The following KCNH8 variants were observed in gnomAD, a reference collection of about 807,000 sequenced individuals.
The protein encoded by KCNH8 is potassium voltage-gated channel subfamily H member 8.
A neutral mutation model predicts 103.6 loss-of-function variants in KCNH8; 70 were observed. The observed-to-expected ratio is 0.68, with a 90% CI of 0.56 to 0.82. The LOEUF (loss-of-function observed/expected upper bound fraction) is 0.82, where lower values mean the gene tolerates loss of function less well. Among genes scored for constraint, KCNH8 ranks in the 40% least tolerant of loss-of-function variants. KCNH8 has a pLI of 0.00. For synonymous variants in KCNH8, 498 were observed against 489.4 expected (o/e 1.02, Z -0.23); for missense variants, 1,217 against 1,329.9 (o/e 0.92, Z 1.32).
intron 7 of KCNH8, among the ~76,000 whole-genome samples, chr3:19,433,746 C>T (rs2067156086): frequency 6.6e-6 from 1 of 152,174 alleles, no homozygotes; most frequent in Non-Finnish European, 1.5e-5. Context: ...AGTGGGAATT[C>T]CAAGTCGTAA....
rs541611210 is a variant in KCNH8 at position 19,533,093 on chromosome 3, A to G, written c.2620-302A>G. Reference sequence around the variant, plus strand: ...GTGGTGGGCGCCTGTAGTCCCAGCTACTCGGTAGGCTGAGGCAGGAGCATG... The same window carrying G: ...GTGGTGGGCGCCTGTAGTCCCAGCTGCTCGGTAGGCTGAGGCAGGAGCATG... On this transcript the variant is annotated intron_variant, in intron 15 of 15. Transcript: ENST00000328405. Among the ~76,000 whole-genome samples, 37 of 151,370 alleles carry G rather than the reference A, an allele frequency of 2.4e-4. 1 individual carries two copies. Among genetic ancestry groups the G allele is most frequent in the African/African-American group, 8.3e-4 (34 of 41,158 alleles).
chr3:19,471,567 C>T (rs1341070326), intron 11 of KCNH8, among the ~76,000 whole-genome samples: 1 of 152,180 alleles, frequency 6.6e-6, no homozygotes, highest in Non-Finnish European at 1.5e-5. Context: ...AGCCAAGCTG[C>T]ATGCTAAGCA....
intron 6 of KCNH8, among the ~76,000 whole-genome samples, chr3:19,391,397 C>G (rs1048487167): frequency 1.3e-5 from 2 of 151,996 alleles, no homozygotes; most frequent in African/African-American, 4.8e-5. Context: ...ATTTGTGAAG[C>G]AGTAATGCAA....
intron 2 of KCNH8, among the ~76,000 whole-genome samples, chr3:19,275,435 C>G (rs1426391646): frequency 6.6e-5 from 10 of 152,010 alleles, no homozygotes; most frequent in African/African-American, 2.4e-4. Context: ...AGTCAGGAAA[C>G]CAGTGCCATT....
At chr3:19,496,059 CTT>C (rs1385927283) in intron 11 of KCNH8, among the ~76,000 whole-genome samples, 3 of 152,164 alleles carry the variant, frequency 2.0e-5, no homozygotes, top group Non-Finnish European at 4.4e-5. Context: ...GTACCTGAAA[CTT>C]TGCTGAAATT....
intron 1 of KCNH8, among the ~76,000 whole-genome samples, chr3:19,182,562 G>A (rs2063464616): frequency 1.3e-5 from 2 of 152,112 alleles, no homozygotes; most frequent in Admixed American, 1.3e-4. Flanking sequence ...AAAAGTGGTT[G>A]TGCATCAAGC....
At chr3:19,318,001 A>G (rs1422336426) in intron 3 of KCNH8, among the ~76,000 whole-genome samples, 1 of 151,978 alleles carries the variant, frequency 6.6e-6, no homozygotes, top group African/African-American at 2.4e-5. Flanking sequence ...AAGAGAAATA[A>G]AGCGTATTCA....
At chr3:19,452,756 T>C (rs1409814785) in intron 10 of KCNH8, among the ~76,000 whole-genome samples, 1 of 152,208 alleles carries the variant, frequency 6.6e-6, no homozygotes, top group Admixed American at 6.5e-5. Context: ...ATTTAAGCCT[T>C]TACAACACAG....
At chr3:19,180,235 GTTCAAAGGGCCAAGACAGACTTGGCCC>G (rs60778482) in intron 1 of KCNH8, among the ~76,000 whole-genome samples, 115,761 of 149,502 alleles carry the variant, frequency 0.77, 45,078 homozygotes, top group Admixed American at 0.81. Flanking sequence ...ACCTACATTT[GTTCAAAGGGCCAAGACAGACTTGGCCC>G]TTCAAAGGGC....
intron 8 of KCNH8, among the ~76,000 whole-genome samples, chr3:19,441,505 A>G (rs1364196673): frequency 1.3e-5 from 2 of 152,228 alleles, no homozygotes; most frequent in Non-Finnish European, 2.9e-5. Context: ...GGAGAATTAA[A>G]GTAACTTTCC....
At chr3:19,446,210 C>A (rs1318835386) in intron 8 of KCNH8, among the ~76,000 whole-genome samples, 1 of 151,998 alleles carries the variant, frequency 6.6e-6, no homozygotes, top group Non-Finnish European at 1.5e-5. Context: ...TTCTTTCATA[C>A]TAAGCAGTGA....
intron 7 of KCNH8, among the ~76,000 whole-genome samples, chr3:19,408,929 A>G (rs559722076): frequency 4.6e-5 from 7 of 152,304 alleles, no homozygotes; most frequent in Non-Finnish European, 8.8e-5. Context: ...AAAAGCGAAT[A>G]ACCTGGAAAA....
intron 1 of KCNH8, among the ~76,000 whole-genome samples, chr3:19,181,732 C>G (rs774231247): frequency 3.3e-5 from 5 of 152,128 alleles, no homozygotes; most frequent in Non-Finnish European, 5.9e-5. Flanking sequence ...CTCATTGTCC[C>G]CTGTCTTGCA....
rs552759897 is a variant in KCNH8, at chr3:19,273,768, C to T, written c.311-7430C>T. On this transcript the variant is annotated intron_variant, in intron 2 of 15. Coordinates refer to ENST00000328405, the MANE Select transcript of KCNH8 (RefSeq NM_144633.3). ...ACATTCTCTTTGTCTCAACCTGGGA[C>T]TGGCAGCAGCACCAGTGGTGTTTTT... Among the ~76,000 whole-genome samples, 7 of 152,296 alleles carry T rather than the reference C, an allele frequency of 4.6e-5. No homozygotes were observed. The South Asian group carries it at 1.5e-3, about 32-fold the overall frequency.
chr3:19,372,073 G>T (rs1298728976), intron 5 of KCNH8, among the ~76,000 whole-genome samples: 2 of 151,850 alleles, frequency 1.3e-5, no homozygotes, highest in African/African-American at 2.4e-5. Flanking sequence ...TCTTTTGGCT[G>T]AGGATTGACT....
At chr3:19,375,710 T>C (rs1403937958) in intron 5 of KCNH8, among the ~76,000 whole-genome samples, 2 of 152,302 alleles carry the variant, frequency 1.3e-5, no homozygotes, top group East Asian at 3.9e-4. Context: ...AGTTTTTCTG[T>C]TCTGTTTTTT....
chr3:19,503,909 C>A (rs962302736), intron 11 of KCNH8, among the ~76,000 whole-genome samples: 6 of 151,644 alleles, frequency 4.0e-5, no homozygotes, highest in African/African-American at 1.2e-4. Flanking sequence ...GCACAGGTAC[C>A]CTAAAACTTA....
chr3:19,406,973 A>G (rs1223844074), intron 7 of KCNH8, among the ~76,000 whole-genome samples: 2 of 152,192 alleles, frequency 1.3e-5, no homozygotes, highest in African/African-American at 4.8e-5. Context: ...CTCTTTTAGT[A>G]GAATTATTCT....
chr3:19,491,871 T>G (rs1053227649), intron 11 of KCNH8, among the ~76,000 whole-genome samples: 1 of 152,250 alleles, frequency 6.6e-6, no homozygotes, highest in Non-Finnish European at 1.5e-5. Context: ...CCATTCTGAC[T>G]AGTGTGAAAT....
Sources: gnomAD v4.1 joint callset for allele counts (sites outside exome capture counted in the v4.1 genomes callset) on GRCh38, gnomAD v4.1.1 for gene constraint, MANE v1.5 for transcripts, NCBI Gene and HGNC (gene_info 2026-07-23, HGNC 2026-07-21) for gene names.